The following PEAK1 variants were observed in gnomAD, a reference collection of about 807,000 sequenced individuals.
PEAK1 encodes pseudopodium enriched atypical kinase 1.
PEAK1 carries 54 observed loss-of-function variants against 124.7 expected under a neutral mutation model. That is an observed-to-expected ratio of 0.43 (90% CI 0.35 to 0.54). The LOEUF is 0.54. PEAK1 is among the 20% of genes least tolerant of loss of function. The pLI is 0.01. For missense variants in PEAK1, 2,046 were observed against 2,134.5 expected (o/e 0.96, Z 0.82); for synonymous variants, 719 against 760.0 (o/e 0.95, Z 0.89).
At chr15:77,412,024 C>T (rs1342043938) in intron 1 of PEAK1, among the ~76,000 whole-genome samples, 2 of 152,208 alleles carry the variant, frequency 1.3e-5, no homozygotes, top group African/African-American at 4.8e-5. Flanking sequence ...CCAAACATAA[C>T]TTGGTATCTT....
chr15:77,196,145 C>G (rs576108213), intron 6 of PEAK1, among the ~76,000 whole-genome samples: 1 of 152,208 alleles, frequency 6.6e-6, no homozygotes, highest in Admixed American at 6.5e-5. Flanking sequence ...AAGGACAGAT[C>G]AAATGAGGCT....
At chr15:77,246,843 C>T (rs1310709056) in intron 6 of PEAK1, among the ~76,000 whole-genome samples, 1 of 151,820 alleles carries the variant, frequency 6.6e-6, no homozygotes, top group Admixed American at 6.6e-5. Flanking sequence ...CATAGTGAAG[C>T]CTGTCTATAC....
chr15:77,359,838 A>G (rs2067768250), intron 2 of PEAK1, among the ~76,000 whole-genome samples: 1 of 152,226 alleles, frequency 6.6e-6, no homozygotes. Context: ...GACTGACTGT[A>G]AAGTCCCCAA....
chr15:77,114,360 G>A lies in PEAK1; in HGVS notation c.5037C>T (p.Thr1679=), dbSNP rs180909441. The change falls in exon 10 of 10, where the codon ACC becomes ACT. Residue 1679 remains threonine, a synonymous_variant. Coordinates refer to ENST00000682557, the MANE Select transcript of PEAK1 (RefSeq NM_001385026.1). ...GPREDLFQTF[T]ACPSLVQRNT... is the part of the protein sequence containing the mutation. ...TCCTCTGTACTAGGCTAGGGCAGGC[G>A]GTGAAAGTCTGGAAGAGATCTTCGC... is the stretch of plus-strand genomic sequence containing the variant. 1.6e-3 allele frequency: 2,508 copies of A among 1,614,182 alleles called. 5 individuals carry two copies. Among genetic ancestry groups the A allele is most frequent in the Non-Finnish European group, 1.2e-3 (1,377 of 1,180,034 alleles).
At chr15:77,346,773 A>C (rs759814007) in intron 2 of PEAK1, 6 of 973,588 alleles carry the variant, frequency 6.2e-6, no homozygotes, top group Non-Finnish European at 7.3e-6. Flanking sequence ...TTCATTGGTC[A>C]CTCAGTAAAT....
chr15:77,287,829 G>A (rs901442967), intron 2 of PEAK1, among the ~76,000 whole-genome samples: 7 of 152,162 alleles, frequency 4.6e-5, no homozygotes, highest in Non-Finnish European at 7.4e-5. Flanking sequence ...TGTCACAGCA[G>A]AACAACAGCC....
chr15:77,417,024 C>T (rs1002598037), intron 1 of PEAK1, among the ~76,000 whole-genome samples: 3 of 152,010 alleles, frequency 2.0e-5, no homozygotes, highest in African/African-American at 7.3e-5. Context: ...TCTTTCTGGA[C>T]CTAGTTAACT....
chr15:77,105,330 G>A (rs985042602), downstream of PEAK1: 1 of 134,146 alleles, frequency 7.5e-6, no homozygotes, highest in Non-Finnish European at 1.6e-5. Context: ...GTGTGTGTGT[G>A]TGTGTGTGTG....
rs1046015600 is a variant in PEAK1 at position 77,333,267 on chromosome 15, G to A, written c.-603+31896C>T. On this transcript the variant is annotated intron_variant, in intron 2 of 9. Coordinates refer to ENST00000682557, the MANE Select transcript of PEAK1 (RefSeq NM_001385026.1). The stretch of plus-strand genomic sequence containing the variant: ...CCTAAAGTGCTGGGATTACAGGCAC[G>A]AGCCACTGTGCCGGATTCAATCACT... 1.3e-5 allele frequency: 12 copies of A among 932,672 alleles called. No individual in the cohort carries two copies. The African/African-American group carries it at 1.6e-4, about 12-fold the overall frequency. The allele number at this position is 932,672 out of a possible 1,614,324, so 57.8% of individuals were successfully genotyped here.
Position 77,147,946 on chromosome 15 carries a change from G to A in PEAK1, c.3331+10557C>T, listed in dbSNP as rs566103496. Among the ~76,000 whole-genome samples the A allele has an allele frequency of 2.6e-5, 4 of 152,270 alleles. No homozygotes were observed. In the East Asian group the frequency reaches 7.7e-4, roughly 29 times the overall value. ...CATGCGGCTACTAGGCATTTGAAAT[G>A]TTGTTAGTGAGACTGAGGAAGTGAA... On this transcript the variant is annotated intron_variant, in intron 8 of 9. Transcript: ENST00000682557.
chr15:77,399,197 T>C (rs1188482025), intron 1 of PEAK1, among the ~76,000 whole-genome samples: 1 of 152,104 alleles, frequency 6.6e-6, no homozygotes, highest in Non-Finnish European at 1.5e-5. Context: ...AAGCAATCTA[T>C]AGATTCTTCA....
intron 5 of PEAK1, among the ~76,000 whole-genome samples, chr15:77,258,969 A>G (rs1326166353): frequency 6.6e-6 from 1 of 152,150 alleles, no homozygotes; most frequent in Non-Finnish European, 1.5e-5. Flanking sequence ...CCTTTTCTCC[A>G]TCTATTGAGA....
intron 2 of PEAK1, 150 bp downstream of exon 2, chr15:77,365,013 G>C (rs888683099): frequency 2.5e-5 from 4 of 157,164 alleles, no homozygotes; most frequent in South Asian, 2.0e-4. Context: ...ATGCTTAAAA[G>C]TAAGCATACT....
At chr15:77,408,101 A>G (rs896579010) in intron 1 of PEAK1, among the ~76,000 whole-genome samples, 11 of 149,708 alleles carry the variant, frequency 7.3e-5, no homozygotes, top group Non-Finnish European at 1.3e-4. Flanking sequence ...ACACACACAT[A>G]TATACATATA....
chr15:77,313,702 A>ATG (rs1555478134), intron 2 of PEAK1, among the ~76,000 whole-genome samples: 9,396 of 119,052 alleles, frequency 0.079, 585 homozygotes, highest in Non-Finnish European at 0.11. Flanking sequence ...GTATATATAT[A>ATG]TATGTATGTG....
chr15:77,279,384 C>T (rs931985538), intron 5 of PEAK1, among the ~76,000 whole-genome samples: 13 of 152,174 alleles, frequency 8.5e-5, no homozygotes, highest in African/African-American at 3.1e-4. Context: ...TCTCCCTTTC[C>T]ACCTTTCAGC....
intron 1 of PEAK1, among the ~76,000 whole-genome samples, chr15:77,385,396 C>CA (rs2141859024): frequency 6.6e-6 from 1 of 152,118 alleles, no homozygotes; most frequent in East Asian, 1.9e-4. Flanking sequence ...AATTTTCCAG[C>CA]AAAAAATAAA....
intron 1 of PEAK1, among the ~76,000 whole-genome samples, chr15:77,365,872 T>C (rs963080120): frequency 1.3e-5 from 2 of 152,100 alleles, no homozygotes; most frequent in African/African-American, 4.8e-5. Flanking sequence ...TATATTATGA[T>C]TGCCCATCCT....
At chr15:77,312,488 A>G (rs1018644407) in intron 2 of PEAK1, among the ~76,000 whole-genome samples, 6 of 152,242 alleles carry the variant, frequency 3.9e-5, no homozygotes, top group Non-Finnish European at 8.8e-5. Context: ...TAAATAACTG[A>G]ATTGGCTAAG....
Sources: allele counts gnomAD v4.1 joint callset (sites outside exome capture counted in the v4.1 genomes callset), GRCh38; gene constraint gnomAD v4.1.1; transcripts MANE v1.5; gene names NCBI Gene and HGNC (gene_info 2026-07-23, HGNC 2026-07-21).